AK5: variants seen among roughly 807,000 people sequenced by gnomAD.
The protein encoded by AK5 is adenylate kinase 5, also known as adenylate kinase isoenzyme 5.
AK5 carries 27 observed loss-of-function variants against 69.5 expected under a neutral mutation model. That is an observed-to-expected ratio of 0.39 (90% CI 0.29 to 0.54). The LOEUF (loss-of-function observed/expected upper bound fraction) is 0.54. AK5 is among the 20% of genes least tolerant of loss of function. AK5 has a pLI of 0.71. For synonymous variants in AK5, 260 were observed against 244.4 expected (o/e 1.06, Z -0.60); for missense variants, 531 against 700.4 (o/e 0.76, Z 2.73).
At chr1:77,538,320 C>G (rs541285966) in intron 13 of AK5, among the ~76,000 whole-genome samples, 46 of 146,004 alleles carry the variant, frequency 3.2e-4, no homozygotes, top group African/African-American at 1.1e-3. Flanking sequence ...GCCTGGGCAA[C>G]AGAGCAAGAC....
At chr1:77,463,409 C>T (rs954049216) in intron 8 of AK5, among the ~76,000 whole-genome samples, 2 of 152,084 alleles carry the variant, frequency 1.3e-5, no homozygotes, top group African/African-American at 4.8e-5. Context: ...GGCACTATGC[C>T]AGATTCTGGG....
chr1:77,541,938 T>C (rs77127038), intron 13 of AK5, among the ~76,000 whole-genome samples: 12,005 of 152,176 alleles, frequency 0.079, 661 homozygotes, highest in East Asian at 0.29. Flanking sequence ...GGCTTTTTTA[T>C]TTTTTTCTGT....
rs17100556 is a variant in AK5, at chr1:77,422,908, T to C, written c.1059+5193T>C. On this transcript the variant is annotated intron_variant, in intron 8 of 13. Transcript: ENST00000354567. ...AATTTTCCCTTCGAGAAAATGGTGG[T>C]GACAACCCCACTTAGAAGTACTGTT... Among the ~76,000 whole-genome samples, 1,389 of 152,236 alleles carry C rather than the reference T, an allele frequency of 9.1e-3. 12 individuals are homozygous for C. The highest frequency in any genetic ancestry group is 0.041 in the East Asian group (213 of 5,160).
At chr1:77,335,170 T>C (rs1661283347) in intron 5 of AK5, among the ~76,000 whole-genome samples, 1 of 152,204 alleles carries the variant, frequency 6.6e-6, no homozygotes. Flanking sequence ...TCTGACACAA[T>C]GAATATGTCT....
intron 10 of AK5, among the ~76,000 whole-genome samples, chr1:77,507,283 A>T (rs558926980): frequency 6.6e-6 from 1 of 152,338 alleles, no homozygotes; most frequent in African/African-American, 2.4e-5. Flanking sequence ...GACAGGCCAG[A>T]AGTGCCCCAC....
At chr1:77,516,536 T>G (rs1657654776) in intron 10 of AK5, among the ~76,000 whole-genome samples, 1 of 152,112 alleles carries the variant, frequency 6.6e-6, no homozygotes, top group African/African-American at 2.4e-5. Context: ...AATTTATAGT[T>G]TTATCAATGA....
At chr1:77,464,871 G>A (rs1378556015) in intron 8 of AK5, among the ~76,000 whole-genome samples, 1 of 152,098 alleles carries the variant, frequency 6.6e-6, no homozygotes, top group Non-Finnish European at 1.5e-5. Flanking sequence ...GAAGCAGGGG[G>A]AATAATGAGA....
At chr1:77,436,022 C>T (rs544429554) in intron 8 of AK5, among the ~76,000 whole-genome samples, 1 of 152,136 alleles carries the variant, frequency 6.6e-6, no homozygotes, top group Non-Finnish European at 1.5e-5. Context: ...TTTAAAATAA[C>T]AAGTCACCTT....
At chr1:77,417,411 T>G (rs186762742) in intron 7 of AK5, among the ~76,000 whole-genome samples, 5 of 152,298 alleles carry the variant, frequency 3.3e-5, no homozygotes, top group African/African-American at 7.2e-5. Context: ...TGTTGACAAA[T>G]TATTCTTCCT....
intron 10 of AK5, among the ~76,000 whole-genome samples, chr1:77,509,807 T>C (rs1175471863): frequency 6.6e-6 from 1 of 152,210 alleles, no homozygotes; most frequent in Non-Finnish European, 1.5e-5. Flanking sequence ...GGAATTTTAC[T>C]GGGAGTAAGT....
At chr1:77,532,194 G>C (rs1183553640) in intron 12 of AK5, 1 of 154,380 alleles carries the variant, frequency 6.5e-6, no homozygotes, top group African/African-American at 2.4e-5. Flanking sequence ...CGGGCTGAAG[G>C]GCTCCTCAAG....
At chr1:77,296,176 A>T (rs1335724902) in intron 3 of AK5, among the ~76,000 whole-genome samples, 1 of 152,168 alleles carries the variant, frequency 6.6e-6, no homozygotes, top group Non-Finnish European at 1.5e-5. Context: ...TAAAAATGTG[A>T]GAGTGAGGTA....
At chr1:77,328,523 CT>C (rs1243222160) in intron 5 of AK5, among the ~76,000 whole-genome samples, 1 of 151,690 alleles carries the variant, frequency 6.6e-6, no homozygotes, top group Non-Finnish European at 1.5e-5. Flanking sequence ...AAAACTTCAA[CT>C]TTTTCCTCTT....
At chr1:77,534,485 CG>C (rs1658846155) in intron 12 of AK5, among the ~76,000 whole-genome samples, 1 of 152,162 alleles carries the variant, frequency 6.6e-6, no homozygotes, top group Admixed American at 6.5e-5. Context: ...AGGAAATAAG[CG>C]TAACAGTGAA....
intron 10 of AK5, among the ~76,000 whole-genome samples, chr1:77,491,459 A>G (rs1438916719): frequency 6.6e-6 from 1 of 152,030 alleles, no homozygotes; most frequent in Admixed American, 6.5e-5. Flanking sequence ...GGCGCCTGCC[A>G]TGGCGCCCGG....
Position 77,546,646 on chromosome 1 carries a change from G to T in AK5, c.1620+10608G>T, listed in dbSNP as rs893423069. Among the ~76,000 whole-genome samples the T allele has an allele frequency of 2.0e-5, 3 of 152,262 alleles. No homozygotes were observed. The East Asian group carries it at 5.8e-4, about 29-fold the overall frequency. ...AATTGTTTGAACCCATGAGGCAGAG[G>T]CTGCAGTGAGCTGAGATCGCGCCAC... On this transcript the variant is annotated intron_variant, in intron 13 of 13. Transcript: ENST00000354567.
chr1:77,352,152 A>T (rs997629699), intron 6 of AK5, among the ~76,000 whole-genome samples: 1 of 151,696 alleles, frequency 6.6e-6, no homozygotes, highest in Non-Finnish European at 1.5e-5. Flanking sequence ...GTGGTCTCGA[A>T]CTCCTGACCT....
intron 6 of AK5, among the ~76,000 whole-genome samples, chr1:77,407,200 G>A (rs1256894540): frequency 1.3e-5 from 2 of 152,076 alleles, no homozygotes; most frequent in Non-Finnish European, 2.9e-5. Context: ...CTTAAATGGA[G>A]ACATGGAAAA....
At chr1:77,413,990 C>T (rs1349910092) in intron 7 of AK5, among the ~76,000 whole-genome samples, 4 of 152,194 alleles carry the variant, frequency 2.6e-5, no homozygotes, top group Non-Finnish European at 5.9e-5. Flanking sequence ...GTAATGAACA[C>T]TTTCCATGCC....
Sources: allele counts gnomAD v4.1 joint callset (sites outside exome capture counted in the v4.1 genomes callset), GRCh38; gene constraint gnomAD v4.1.1; transcripts MANE v1.5; gene names NCBI Gene and HGNC (gene_info 2026-07-23, HGNC 2026-07-21).